The following NOX4 variants were observed in gnomAD, a reference collection of about 807,000 sequenced individuals.
NOX4 encodes kidney oxidase-1.
NOX4 carries 69 observed loss-of-function variants against 87.6 expected under a neutral mutation model. That is an observed-to-expected ratio of 0.79 (90% confidence interval 0.65 to 0.96). The LOEUF is 0.96. Among genes scored for constraint, NOX4 ranks in the 40% least tolerant of loss-of-function variants. The probability of loss-of-function intolerance (pLI) is 0.00; values close to 1 mark genes in which losing one functional copy is unlikely to be tolerated. For missense variants in NOX4, 680 were observed against 681.5 expected, an observed-to-expected ratio of 1.00 and a Z score of 0.02; for synonymous variants, 275 against 238.2, an observed-to-expected ratio of 1.15 and a Z score of -1.42.
chr11:89,387,503 G>C (rs534700092), intron 11 of NOX4, among the ~76,000 whole-genome samples: 4 of 152,090 alleles, frequency 2.6e-5, no homozygotes, highest in Non-Finnish European at 5.9e-5. Flanking sequence ...TGATTAAAAA[G>C]CTTTATTGCT....
At chr11:89,439,782 T>C (rs909301909) in intron 6 of NOX4, among the ~76,000 whole-genome samples, 1 of 152,170 alleles carries the variant, frequency 6.6e-6, no homozygotes, top group Non-Finnish European at 1.5e-5. Flanking sequence ...TGTTCAAACG[T>C]GCTTTAACAA....
At chr11:89,467,349 CAAAAAAAA>C (rs71052233) in intron 2 of NOX4, among the ~76,000 whole-genome samples, 21 of 61,462 alleles carry the variant, frequency 3.4e-4, no homozygotes, top group African/African-American at 6.8e-4. Context: ...AAACTCGTCA[CAAAAAAAA>C]AAAAAAAAAA....
At chr11:89,348,142 G>C (rs992401749) in intron 13 of NOX4, among the ~76,000 whole-genome samples, 3 of 152,302 alleles carry the variant, frequency 2.0e-5, no homozygotes, top group Admixed American at 2.0e-4. Context: ...CTCTGGTCAG[G>C]TGTGGTGGCT....
At chr11:89,386,019 A>G (rs768190655) in intron 11 of NOX4, among the ~76,000 whole-genome samples, 1 of 152,218 alleles carries the variant, frequency 6.6e-6, no homozygotes, top group East Asian at 1.9e-4. Flanking sequence ...ACTGTCCTCA[A>G]TCTTCAGGAA....
chr11:89,420,926 G>A (rs976451739), intron 8 of NOX4, among the ~76,000 whole-genome samples: 11 of 152,108 alleles, frequency 7.2e-5, no homozygotes, highest in African/African-American at 2.7e-4. Context: ...TTGATCCCAA[G>A]GGCATCCCTT....
intron 7 of NOX4, among the ~76,000 whole-genome samples, chr11:89,431,188 T>G (rs1943761473): frequency 6.6e-6 from 1 of 152,146 alleles, no homozygotes; most frequent in Non-Finnish European, 1.5e-5. Flanking sequence ...TCCTTACACC[T>G]TATACAAAAA....
At chr11:89,422,685 G>A (rs954705250) in intron 7 of NOX4, among the ~76,000 whole-genome samples, 1 of 151,844 alleles carries the variant, frequency 6.6e-6, no homozygotes. Context: ...TAGACTCTTA[G>A]AGAAACCCTT....
At chr11:89,532,816 TC>T in the NOX4 span, among the ~76,000 whole-genome samples, 1 of 152,124 alleles carries the variant, frequency 6.6e-6, no homozygotes, top group Non-Finnish European at 1.5e-5. Flanking sequence ...AGTGGTCTCT[TC>T]CATGACGTTC....
At chr11:89,427,521 T>C (rs1943500181) in intron 7 of NOX4, among the ~76,000 whole-genome samples, 12 of 151,698 alleles carry the variant, frequency 7.9e-5, no homozygotes, top group Admixed American at 7.9e-4. Context: ...TGTAGAGAAG[T>C]CCTTAAATGA....
chr11:89,399,007 T>C (rs1941664168), intron 11 of NOX4, among the ~76,000 whole-genome samples: 1 of 152,000 alleles, frequency 6.6e-6, no homozygotes. Flanking sequence ...TGGAAAGACA[T>C]ATGTCAAACA....
At chr11:89,460,256 G>A (rs187003521) in intron 2 of NOX4, among the ~76,000 whole-genome samples, 3 of 152,086 alleles carry the variant, frequency 2.0e-5, no homozygotes, top group African/African-American at 7.2e-5. Flanking sequence ...CATGAGCAAG[G>A]ACTTCATGTC....
At chr11:89,412,214 A>G (rs1035232918) in intron 8 of NOX4, among the ~76,000 whole-genome samples, 4 of 152,196 alleles carry the variant, frequency 2.6e-5, no homozygotes. Context: ...TAAATACAAC[A>G]ATAGTTGGAG....
intron 2 of NOX4, among the ~76,000 whole-genome samples, chr11:89,459,959 A>G (rs1945376510): frequency 6.6e-6 from 1 of 152,216 alleles, no homozygotes; most frequent in Admixed American, 6.5e-5. Context: ...CTACCAAAAC[A>G]GAGATATAGA....
chr11:89,382,359 C>A (rs779715488), intron 11 of NOX4, among the ~76,000 whole-genome samples: 11 of 152,224 alleles, frequency 7.2e-5, no homozygotes, highest in South Asian at 6.2e-4. Context: ...CCAATACAAA[C>A]TCGACAATAG....
the NOX4 span, among the ~76,000 whole-genome samples, chr11:89,504,147 G>A: frequency 6.6e-6 from 1 of 151,734 alleles, no homozygotes; most frequent in Non-Finnish European, 1.5e-5. Flanking sequence ...AGTGGTAGCA[G>A]AAGGGATGTC....
intron 9 of NOX4, among the ~76,000 whole-genome samples, chr11:89,401,620 G>C (rs999490952): frequency 1.3e-5 from 2 of 152,068 alleles, no homozygotes; most frequent in Non-Finnish European, 2.9e-5. Context: ...CACAGAGGAA[G>C]ATAAGGGCCC....
chr11:89,461,925 C>T (rs1383607916), intron 2 of NOX4, among the ~76,000 whole-genome samples: 1 of 151,546 alleles, frequency 6.6e-6, no homozygotes, highest in African/African-American at 2.4e-5. Context: ...TGTAACAGGA[C>T]TCTAAAATGT....
chr11:89,437,490 CTG>C (rs1944137745), intron 6 of NOX4, among the ~76,000 whole-genome samples: 1 of 152,144 alleles, frequency 6.6e-6, no homozygotes, highest in Admixed American at 6.6e-5. Flanking sequence ...TTAGGGAGCC[CTG>C]TGTCTGAGCC....
chr11:89,506,175 T>A, the NOX4 span, among the ~76,000 whole-genome samples: 32 of 148,090 alleles, frequency 2.2e-4, no homozygotes, highest in African/African-American at 8.0e-4. Context: ...GTCTTCCTAA[T>A]AACAGTTTTG....
Sources: gnomAD v4.1 joint callset for allele counts (sites outside exome capture counted in the v4.1 genomes callset) on GRCh38, gnomAD v4.1.1 for gene constraint, MANE v1.5 for transcripts, NCBI Gene and HGNC (gene_info 2026-07-23, HGNC 2026-07-21) for gene names.